Variants in YAP1 observed in about 807,000 individuals in gnomAD.
The protein encoded by YAP1 is transcriptional coactivator YAP1.
In YAP1, 5 loss-of-function variants were observed where a neutral mutation model predicts 56.9. The observed-to-expected ratio is 0.09, with a 90% CI of 0.05 to 0.18. The LOEUF is 0.18. Ranked by LOEUF, YAP1 falls within the 10% of genes least tolerant of loss-of-function variation. The pLI is 1.00. For synonymous variants in YAP1, 265 were observed against 248.1 expected, an observed-to-expected ratio of 1.07 and a Z score of -0.64; for missense variants, 539 against 651.8, an observed-to-expected ratio of 0.83 and a Z score of 1.88.
intron 3 of YAP1, among the ~76,000 whole-genome samples, chr11:102,172,170 G>A (rs1946937413): frequency 6.7e-6 from 1 of 148,162 alleles, no homozygotes; most frequent in Admixed American, 6.9e-5. Flanking sequence ...CCCAGCCTGG[G>A]TGACAAGAGC....
intron 8 of YAP1, among the ~76,000 whole-genome samples, chr11:102,227,944 TGCCTGTAGTCCCA>T (rs1480700805): frequency 6.6e-6 from 1 of 151,328 alleles, no homozygotes; most frequent in Non-Finnish European, 1.5e-5. Context: ...TCATGGTACA[TGCCTGTAGTCCCA>T]GCTACTCAGG....
intron 3 of YAP1, among the ~76,000 whole-genome samples, chr11:102,172,648 A>C (rs551608441): frequency 2.0e-5 from 3 of 152,018 alleles, no homozygotes; most frequent in African/African-American, 7.2e-5. Context: ...AATACAAACT[A>C]TGTGCCAGGC....
Position 102,114,133 on chromosome 11 carries a change from T to C in YAP1, c.322-11T>C. The C allele has an allele frequency of 6.4e-7, 1 of 1,565,008 alleles. No individual in the cohort carries two copies. Among genetic ancestry groups the C allele is most frequent in the Non-Finnish European group, 8.7e-7 (1 of 1,149,302 alleles). ...TCTTTTTTAATTTTTCATCTTAATA[T>C]TCCCTAATAGGCCAGTACTGATGCA... On this transcript the variant is annotated splice_polypyrimidine_tract_variant and intron_variant, in intron 1 of 8. Coordinates refer to ENST00000282441, the MANE Select transcript of YAP1 (RefSeq NM_001130145.3).
At chr11:102,153,818 C>T (rs1945795460) in intron 2 of YAP1, among the ~76,000 whole-genome samples, 2 of 151,454 alleles carry the variant, frequency 1.3e-5, no homozygotes, top group Middle Eastern at 3.4e-3. Flanking sequence ...TAATGGGAGA[C>T]TAGAATAATA....
intron 2 of YAP1, among the ~76,000 whole-genome samples, chr11:102,152,005 G>A (rs951170348): frequency 2.0e-5 from 3 of 152,136 alleles, no homozygotes; most frequent in Non-Finnish European, 4.4e-5. Flanking sequence ...GTGTGTCCAG[G>A]AATAAACAGA....
At chr11:102,136,281 T>C (rs553101417) in intron 2 of YAP1, among the ~76,000 whole-genome samples, 1 of 152,278 alleles carries the variant, frequency 6.6e-6, no homozygotes, top group African/African-American at 2.4e-5. Flanking sequence ...TTTTTGCCCC[T>C]TTTTCCTGTA....
chr11:102,165,195 C>CA (rs1346024422), intron 3 of YAP1, among the ~76,000 whole-genome samples: 6,769 of 126,928 alleles, frequency 0.053, 480 homozygotes, highest in African/African-American at 0.18. Flanking sequence ...CTTGTCTCTA[C>CA]AAAAAAAAAA....
rs1351091787 is a variant in YAP1 at position 102,182,325 on chromosome 11, G to A, written c.689-3693G>A. ...AAGGCATCCTAAATTGATTTTGATCGAGCCACTGTGGTCTCCTCTTACATT... is the reference window on the plus strand; with the variant it reads ...AAGGCATCCTAAATTGATTTTGATCAAGCCACTGTGGTCTCCTCTTACATT... On this transcript the variant is annotated intron_variant, in intron 3 of 8. Transcript: ENST00000282441. 2.0e-5 allele frequency among the ~76,000 whole-genome samples: 3 copies of A among 152,114 alleles called. No homozygotes were observed. The East Asian group carries it at 5.8e-4, about 29-fold the overall frequency.
intron 2 of YAP1, among the ~76,000 whole-genome samples, chr11:102,132,850 ACT>A (rs1368840828): frequency 1.3e-5 from 2 of 152,198 alleles, no homozygotes; most frequent in Admixed American, 6.5e-5. Flanking sequence ...ACAATTTTTT[ACT>A]TTTTTTATTT....
chr11:102,122,324 C>G (rs1189263561), intron 2 of YAP1, among the ~76,000 whole-genome samples: 1 of 151,808 alleles, frequency 6.6e-6, no homozygotes, highest in South Asian at 2.1e-4. Context: ...TTTTGGGAGG[C>G]TGAGGCATGA....
At chr11:102,207,745 T>C (rs1374118161) in intron 5 of YAP1, among the ~76,000 whole-genome samples, 1 of 152,188 alleles carries the variant, frequency 6.6e-6, no homozygotes, top group Non-Finnish European at 1.5e-5. Flanking sequence ...CAGGCTCACG[T>C]TGAAACTGTG....
chr11:102,175,643 A>G (rs1456267004), intron 3 of YAP1, among the ~76,000 whole-genome samples: 2 of 152,212 alleles, frequency 1.3e-5, no homozygotes, highest in African/African-American at 4.8e-5. Flanking sequence ...TTATACACAT[A>G]GACTCAATGA....
chr11:102,218,457 T>TA (rs1949765976), intron 6 of YAP1, among the ~76,000 whole-genome samples: 2 of 152,234 alleles, frequency 1.3e-5, no homozygotes, highest in Non-Finnish European at 2.9e-5. Flanking sequence ...CTATATATGT[T>TA]AAGTACAGAC....
At chr11:102,162,987 ATTT>A (rs34380636) in intron 3 of YAP1, among the ~76,000 whole-genome samples, 1 of 130,134 alleles carries the variant, frequency 7.7e-6, no homozygotes. Flanking sequence ...TTTTTTTTTC[ATTT>A]TTTTTTTTTG....
intron 6 of YAP1, among the ~76,000 whole-genome samples, chr11:102,213,325 A>T (rs1229661724): frequency 6.6e-6 from 1 of 152,144 alleles, no homozygotes; most frequent in Non-Finnish European, 1.5e-5. Flanking sequence ...CTCTACTAAA[A>T]ATACGGAAAT....
Position 102,162,458 on chromosome 11 carries a change from A to G in YAP1, c.575A>G (p.His192Arg). The change falls in exon 3 of 9, where the codon CAC becomes CGC. Residue 192 changes from histidine to arginine, a missense_variant and splice_region_variant. Physicochemically the swap from His to Arg is conservative, Grantham distance 29. Around this residue, in one of 4 missense-constraint regions of YAP1, gnomAD observed 414 missense variants for 512.4 expected, o/e 0.81. Coordinates refer to ENST00000282441, the MANE Select transcript of YAP1 (RefSeq NM_001130145.3). The stretch of plus-strand genomic sequence containing the variant: ...TGCAGTGGTTTGTTTTGTCTTAGTC[A>G]CATCGATCAGACAACAACATGGCAG... ...TSSGQRYFLN[H>R]IDQTTTWQDP... 6.2e-7 allele frequency: 1 copy of G among 1,614,034 alleles called. No individual in the cohort carries two copies. Among genetic ancestry groups the G allele is most frequent in the African/African-American group, 1.3e-5 (1 of 75,038 alleles).
chr11:102,135,256 T>TA (rs1176964979), intron 2 of YAP1, among the ~76,000 whole-genome samples: 3 of 152,220 alleles, frequency 2.0e-5, no homozygotes, highest in Non-Finnish European at 2.9e-5. Context: ...TTCTTTCAGT[T>TA]ACCTACTACT....
At chr11:102,179,022 G>A (rs373926449) in intron 3 of YAP1, among the ~76,000 whole-genome samples, 7 of 152,078 alleles carry the variant, frequency 4.6e-5, no homozygotes, top group South Asian at 2.1e-4. Flanking sequence ...GGGATGGTGC[G>A]AAGCCATTCA....
chr11:102,170,704 C>T (rs902530234), intron 3 of YAP1, among the ~76,000 whole-genome samples: 2 of 152,092 alleles, frequency 1.3e-5, no homozygotes, highest in African/African-American at 4.8e-5. Context: ...TGTGGTGGCT[C>T]ACACCTATAA....
Sources: allele counts gnomAD v4.1 joint callset (sites outside exome capture counted in the v4.1 genomes callset), GRCh38; gene constraint gnomAD v4.1.1; regional missense constraint gnomAD v4.1.1; transcripts MANE v1.5; gene names NCBI Gene and HGNC (gene_info 2026-07-23, HGNC 2026-07-21).